Variants in NAA11 observed in about 807,000 individuals in gnomAD.
The protein encoded by NAA11 is N-alpha-acetyltransferase 11.
NAA11 carries 15 observed loss-of-function variants against 16.1 expected under a neutral mutation model. That is an observed-to-expected ratio of 0.93 (90% CI 0.62 to 1.44). NAA11 has a LOEUF of 1.44. Among genes scored for constraint, NAA11 ranks in the 40% most tolerant of loss-of-function variants. NAA11 has a pLI of 0.00. For synonymous variants in NAA11, 122 were observed against 112.4 expected, an observed-to-expected ratio of 1.09 and a Z score of -0.54; for missense variants, 298 against 291.3, an observed-to-expected ratio of 1.02 and a Z score of -0.17.
chr4:79,226,045 G>C (rs1413138012), exon 3 of NAA11: 1 of 152,076 alleles, frequency 6.6e-6, no homozygotes, highest in Non-Finnish European at 1.5e-5. Flanking sequence ...AGCATCACCA[G>C]AGTTATCAGC....
intron 2 of NAA11, among the ~76,000 whole-genome samples, chr4:79,262,521 G>A (rs1033243645): frequency 6.6e-6 from 1 of 151,944 alleles, no homozygotes; most frequent in African/African-American, 2.4e-5. Flanking sequence ...GGGGGAATAG[G>A]GAAATTTGTG....
chr4:79,202,623 T>TTTTATATATATATATATA, the NAA11 span, among the ~76,000 whole-genome samples: 5 of 52,620 alleles, frequency 9.5e-5, no homozygotes, highest in East Asian at 2.8e-3. Context: ...ATATATAGTT[T>TTTTATATATATATATATA]TATATATATA....
chr4:79,190,866 T>A, the NAA11 span, among the ~76,000 whole-genome samples: 13,881 of 152,120 alleles, frequency 0.091, 711 homozygotes, highest in Middle Eastern at 0.13. Context: ...TGTTTCTTTC[T>A]TAATGTTCAT....
chr4:79,187,998 C>CAA, the NAA11 span, among the ~76,000 whole-genome samples: 110 of 74,158 alleles, frequency 1.5e-3, no homozygotes, highest in African/African-American at 3.5e-3. Context: ...GACTCCGTCT[C>CAA]AAAAAAAAAA....
chr4:79,239,448 C>T (rs1721642293), intron 2 of NAA11, among the ~76,000 whole-genome samples: 1 of 152,108 alleles, frequency 6.6e-6, no homozygotes, highest in African/African-American at 2.4e-5. Context: ...CACCTGTAAT[C>T]CTAGCACTTT....
chr4:79,220,083 G>A, the NAA11 span, among the ~76,000 whole-genome samples: 2 of 152,182 alleles, frequency 1.3e-5, no homozygotes, highest in Non-Finnish European at 2.9e-5. Context: ...ACTGCTACAA[G>A]ACTGTCATTA....
chr4:79,318,094 C>A (rs1005193999), intron 1 of NAA11, among the ~76,000 whole-genome samples: 4 of 152,146 alleles, frequency 2.6e-5, no homozygotes, highest in African/African-American at 9.7e-5. Context: ...CTGGGATTTA[C>A]CCCCAAAGAA....
the NAA11 span, among the ~76,000 whole-genome samples, chr4:79,191,785 G>A: frequency 6.6e-6 from 1 of 152,106 alleles, no homozygotes; most frequent in Non-Finnish European, 1.5e-5. Context: ...GTAATGCCTA[G>A]GTTGTCTTCC....
chr4:79,221,191 A>G (rs1450484347), downstream of NAA11, among the ~76,000 whole-genome samples: 3 of 151,702 alleles, frequency 2.0e-5, no homozygotes, highest in Admixed American at 2.0e-4. Flanking sequence ...TTGTTAGTGT[A>G]TAAGAATGCT....
intron 2 of NAA11, among the ~76,000 whole-genome samples, chr4:79,251,460 A>C (rs1474057009): frequency 2.6e-5 from 4 of 152,242 alleles, no homozygotes; most frequent in South Asian, 4.2e-4. Flanking sequence ...AACAACAGAC[A>C]CTGGGGCCTA....
At chr4:79,280,530 G>A (rs1451545680) in intron 2 of NAA11, among the ~76,000 whole-genome samples, 2 of 151,876 alleles carry the variant, frequency 1.3e-5, no homozygotes, top group Non-Finnish European at 2.9e-5. Context: ...GTGGTTTTTT[G>A]TTTGTTTTGT....
At chr4:79,247,748 G>C (rs1721874467) in intron 2 of NAA11, among the ~76,000 whole-genome samples, 1 of 152,110 alleles carries the variant, frequency 6.6e-6, no homozygotes, top group South Asian at 2.1e-4. Context: ...ACTCATTCCT[G>C]GCCCCAAGCA....
intron 2 of NAA11, among the ~76,000 whole-genome samples, chr4:79,233,228 G>A (rs925407855): frequency 3.3e-5 from 5 of 151,902 alleles, no homozygotes; most frequent in Non-Finnish European, 4.4e-5. Flanking sequence ...ACCTTTCCAT[G>A]TGTATACAGA....
At chr4:79,294,778 T>C (rs1578183454) in intron 1 of NAA11, among the ~76,000 whole-genome samples, 2 of 152,286 alleles carry the variant, frequency 1.3e-5, no homozygotes, top group East Asian at 3.9e-4. Flanking sequence ...ATGCTAAAAA[T>C]GAAAAATGAT....
the NAA11 span, among the ~76,000 whole-genome samples, chr4:79,184,106 A>T: frequency 6.6e-6 from 1 of 152,214 alleles, no homozygotes; most frequent in Non-Finnish European, 1.5e-5. Context: ...CTATCAAAAC[A>T]TATCCAAAGT....
At chr4:79,202,641 A>ATATATATATATATATATATATATC in the NAA11 span, among the ~76,000 whole-genome samples, 4 of 119,548 alleles carry the variant, frequency 3.3e-5, no homozygotes, top group Non-Finnish European at 5.5e-5. Flanking sequence ...ATATATATAT[A>ATATATATATATATATATATATATC]TATATATATC....
chr4:79,316,150 T>G (rs1203497303), downstream of NAA11, among the ~76,000 whole-genome samples: 2 of 152,100 alleles, frequency 1.3e-5, no homozygotes, highest in African/African-American at 4.8e-5. Flanking sequence ...AAAGACATAT[T>G]GACAAAAGCT....
chr4:79,204,202 A>G, the NAA11 span, among the ~76,000 whole-genome samples: 1 of 151,912 alleles, frequency 6.6e-6, no homozygotes. Context: ...AATATTTGGT[A>G]GCTGCAAAAA....
At chr4:79,255,579 AC>A (rs1305275489) in intron 2 of NAA11, among the ~76,000 whole-genome samples, 3 of 152,210 alleles carry the variant, frequency 2.0e-5, no homozygotes, top group East Asian at 3.8e-4. Context: ...TTACCAAAAA[AC>A]AATATTAATC....
Sources: gnomAD v4.1 joint callset for allele counts (sites outside exome capture counted in the v4.1 genomes callset) on GRCh38, gnomAD v4.1.1 for gene constraint, MANE v1.5 for transcripts, NCBI Gene and HGNC (gene_info 2026-07-23, HGNC 2026-07-21) for gene names.